Variants in THSD7B observed in about 807,000 individuals in gnomAD.
The protein encoded by THSD7B is thrombospondin type-1 domain-containing protein 7B.
Under a neutral mutation model 213.6 loss-of-function variants are expected in THSD7B, and 138 were observed. The observed-to-expected ratio is 0.65, with a 90% CI of 0.56 to 0.74. The LOEUF (loss-of-function observed/expected upper bound fraction) is 0.74, where lower values mean the gene tolerates loss of function less well. Ranked by LOEUF, THSD7B falls within the 30% of genes least tolerant of loss-of-function variation. THSD7B has a pLI of 0.00. For synonymous variants in THSD7B, 742 were observed against 687.0 expected, an observed-to-expected ratio of 1.08 and a Z score of -1.25; for missense variants, 1,931 against 1,991.5, an observed-to-expected ratio of 0.97 and a Z score of 0.58.
chr2:137,430,143 A>T (rs181784959), intron 14 of THSD7B, among the ~76,000 whole-genome samples: 4 of 152,178 alleles, frequency 2.6e-5, no homozygotes, highest in African/African-American at 9.6e-5. Context: ...GCTACTTGGG[A>T]AACTGAGGTG....
At chr2:137,603,405 G>C (rs1682112169) in intron 17 of THSD7B, among the ~76,000 whole-genome samples, 1 of 152,052 alleles carries the variant, frequency 6.6e-6, no homozygotes, top group Admixed American at 6.5e-5. Flanking sequence ...TGCTAAAATG[G>C]GTTCTCTAAA....
At chr2:137,602,172 G>A (rs1682085899) in intron 17 of THSD7B, among the ~76,000 whole-genome samples, 1 of 152,166 alleles carries the variant, frequency 6.6e-6, no homozygotes, top group Admixed American at 6.5e-5. Context: ...ATCATTATGT[G>A]TTGTTCTGTT....
chr2:136,890,236 T>C (rs1683791455), intron 2 of THSD7B, among the ~76,000 whole-genome samples: 1 of 151,906 alleles, frequency 6.6e-6, no homozygotes, highest in African/African-American at 2.4e-5. Flanking sequence ...GTTTTCTTTA[T>C]GGTGCTAGAT....
intron 2 of THSD7B, among the ~76,000 whole-genome samples, chr2:136,954,579 G>C (rs1685092389): frequency 6.6e-6 from 1 of 152,020 alleles, no homozygotes; most frequent in Admixed American, 6.6e-5. Context: ...AGCTGGGCGA[G>C]GTGGCGGGCG....
intron 2 of THSD7B, among the ~76,000 whole-genome samples, chr2:136,949,282 A>G (rs887765645): frequency 6.6e-6 from 1 of 152,164 alleles, no homozygotes; most frequent in Non-Finnish European, 1.5e-5. Flanking sequence ...AGCTTGGGGA[A>G]AGCTTTAAGA....
At position 137,231,054 on chromosome 2, in the gene THSD7B, A is replaced by G. The variant is rs1220991950; in HGVS notation, c.1734A>G (p.Val578=). 1.2e-6 allele frequency: 2 copies of G among 1,613,152 alleles called. No individual in the cohort carries two copies. Among genetic ancestry groups the G allele is most frequent in the East Asian group, 2.2e-5 (1 of 44,888 alleles). Residue 578 remains valine (V), a synonymous_variant, in exon 8 of 28, where the codon GTA becomes GTG. Transcript: ENST00000409968. The stretch of plus-strand genomic sequence containing the variant: ...TCTTGTTGATTGTAGGAGAAGATGT[A>G]TCAGGGAGTCTTTGCCCAGTTCCCC... ...AVCQNDRGED[V]SGSLCPVPPP...
At chr2:136,991,376 T>C (rs1439136974) in intron 2 of THSD7B, among the ~76,000 whole-genome samples, 1 of 152,100 alleles carries the variant, frequency 6.6e-6, no homozygotes, top group Non-Finnish European at 1.5e-5. Context: ...AATAAAAATA[T>C]TAAAGTCAAC....
intron 15 of THSD7B, among the ~76,000 whole-genome samples, chr2:137,537,218 A>G (rs1295230150): frequency 6.6e-6 from 1 of 151,786 alleles, no homozygotes; most frequent in Non-Finnish European, 1.5e-5. Context: ...GTGCAATAAA[A>G]TTATCATGTG....
rs762406144 is a variant in THSD7B, at chr2:137,057,076, G to T, written c.796G>T (p.Val266Phe). Residue 266 changes from valine to phenylalanine, a missense_variant, in exon 3 of 28, where the codon GTT (valine) becomes TTT (phenylalanine). Physicochemically the swap from Val to Phe is conservative, Grantham distance 50. Coordinates refer to ENST00000409968, the MANE Select transcript of THSD7B (RefSeq NM_001316349.2). ...AGAAATTAATCCAAGCGGAAGAACT[G>T]TTCTGGATTTTAACTCTGATTCAAA... ...LKEINPSGRTVLDFNSDSNER... is the reference protein window; with the variant it reads ...LKEINPSGRTFLDFNSDSNER... The T allele has an allele frequency of 6.2e-7, 1 of 1,613,814 alleles. No individual in the cohort carries two copies. The highest frequency in any genetic ancestry group is 1.7e-5 in the Admixed American group (1 of 59,998).
chr2:137,657,182 G>T, intron 24 of THSD7B, 22 bp downstream of exon 24: 1 of 1,610,088 alleles, frequency 6.2e-7, no homozygotes, highest in Non-Finnish European at 8.5e-7. Flanking sequence ...TAAGACTCAT[G>T]TGGGCACTTC....
At chr2:137,015,491 G>T (rs539027712) in intron 2 of THSD7B, among the ~76,000 whole-genome samples, 1 of 152,228 alleles carries the variant, frequency 6.6e-6, no homozygotes, top group East Asian at 1.9e-4. Flanking sequence ...CCAGAGTCAT[G>T]CATGGAATTG....
At chr2:137,404,662 A>C (rs961089208) in intron 12 of THSD7B, among the ~76,000 whole-genome samples, 3 of 151,442 alleles carry the variant, frequency 2.0e-5, no homozygotes, top group Non-Finnish European at 4.4e-5. Flanking sequence ...ATATGATGGA[A>C]TATTACTCAA....
chr2:137,634,399 A>G (rs556050504), intron 20 of THSD7B, among the ~76,000 whole-genome samples: 19 of 152,312 alleles, frequency 1.2e-4, no homozygotes, highest in African/African-American at 4.6e-4. Flanking sequence ...ATATATCTAC[A>G]GTGCACTGGA....
intron 12 of THSD7B, among the ~76,000 whole-genome samples, chr2:137,342,708 ATTTTGTTTTG>A (rs35535578): frequency 3.3e-5 from 5 of 150,358 alleles, no homozygotes; most frequent in South Asian, 2.1e-4. Flanking sequence ...TGGTGAGAAG[ATTTTGTTTTG>A]TTTTGTTTTG....
chr2:137,114,114 T>C (rs771766806), intron 4 of THSD7B, among the ~76,000 whole-genome samples: 2 of 152,224 alleles, frequency 1.3e-5, no homozygotes, highest in African/African-American at 4.8e-5. Flanking sequence ...TGGTGACATA[T>C]GATTACTTTT....
intron 7 of THSD7B, among the ~76,000 whole-genome samples, chr2:137,177,133 A>G (rs1680373552): frequency 6.6e-6 from 1 of 152,220 alleles, no homozygotes; most frequent in Admixed American, 6.5e-5. Flanking sequence ...AACAACCCTC[A>G]GTCTTTATTC....
intron 1 of THSD7B, among the ~76,000 whole-genome samples, chr2:136,777,232 A>T (rs1344322182): frequency 6.6e-6 from 1 of 152,148 alleles, no homozygotes; most frequent in Admixed American, 6.6e-5. Context: ...GATGTAGTGA[A>T]ATTGAAGGTT....
chr2:136,824,200 T>A (rs1468191172), intron 1 of THSD7B, among the ~76,000 whole-genome samples: 1 of 152,160 alleles, frequency 6.6e-6, no homozygotes, highest in Non-Finnish European at 1.5e-5. Context: ...ACTTCTCTGC[T>A]TTTAAAAACA....
At chr2:137,329,925 T>C (rs988441845) in intron 12 of THSD7B, among the ~76,000 whole-genome samples, 3 of 152,086 alleles carry the variant, frequency 2.0e-5, no homozygotes, top group African/African-American at 7.2e-5. Context: ...GGAAAAATGG[T>C]TTCCTGGTCT....
Sources: allele counts gnomAD v4.1 joint callset (sites outside exome capture counted in the v4.1 genomes callset), GRCh38; gene constraint gnomAD v4.1.1; transcripts MANE v1.5; gene names NCBI Gene and HGNC (gene_info 2026-07-23, HGNC 2026-07-21).